Variants in INHBE observed in about 807,000 individuals in gnomAD.
The protein encoded by INHBE is inhibin beta E chain.
INHBE carries 19 observed loss-of-function variants against 27.8 expected under a neutral mutation model. The ratio of observed to expected loss-of-function variants is 0.68; its 90% confidence interval spans 0.48 to 1.00. The LOEUF is 1.00. Among genes scored for constraint, INHBE ranks in the 50% least tolerant of loss-of-function variants. The pLI, the probability that INHBE is intolerant of heterozygous loss-of-function variation, is 0.00. For synonymous variants in INHBE, 196 were observed against 187.2 expected, an observed-to-expected ratio of 1.05 and a Z score of -0.38; for missense variants, 398 against 433.9, an observed-to-expected ratio of 0.92 and a Z score of 0.73.
At chr12:57,455,971 C>G in intron 1 of INHBE, 123 bp from the exon 2 acceptor site, 2 of 1,388,472 alleles carry the variant, frequency 1.4e-6, no homozygotes, top group Non-Finnish European at 2.0e-6. Context: ...GCAGAGGACA[C>G]AAAGCAGTCT....
chr12:57,456,194 C>G lies in INHBE; in HGVS notation c.399C>G (p.Thr133=), dbSNP rs576228458. 6.2e-7 allele frequency: 1 copy of G among 1,613,978 alleles called. No homozygotes were observed. Among genetic ancestry groups the G allele is most frequent in the South Asian group, 1.1e-5 (1 of 91,078 alleles). ...HARLWLHVLP[T]LPGTLCLRIF... Reference sequence around the variant, plus strand: ...GCCTGTGGCTGCACGTGCTCCCCACCCTTCCTGGCACTCTTTGCTTGAGGA... The same window carrying G: ...GCCTGTGGCTGCACGTGCTCCCCACGCTTCCTGGCACTCTTTGCTTGAGGA... The change falls in exon 2 of 2, where the codon ACC becomes ACG. Residue 133 remains threonine, a synonymous_variant. Coordinates refer to ENST00000266646, the MANE Select transcript of INHBE (RefSeq NM_031479.5).
In INHBE at chr12:57,457,485, T is replaced by G. The variant is rs1036435464; in HGVS notation, c.*637T>G. On this transcript the variant is annotated 3_prime_UTR_variant, in exon 2 of 2. Transcript: ENST00000266646. Reference sequence around the variant, plus strand: ...TTATTTTTTTGAGATCGAGTCTCGCTCTGTCACCAGGCTGGAGTGCAGTGA... The same window carrying G: ...TTATTTTTTTGAGATCGAGTCTCGCGCTGTCACCAGGCTGGAGTGCAGTGA... The G allele has an allele frequency of 6.6e-6, 1 of 152,178 alleles. No individual in the cohort carries two copies. The highest frequency in any genetic ancestry group is 2.4e-5 in the African/African-American group (1 of 41,412). The allele number at this position is 152,178 out of a possible 1,614,324, so 9.4% of individuals were successfully genotyped here. A position where few individuals can be genotyped will look rare whatever the true frequency, so the allele number is the denominator to read the frequency against.
At position 57,455,479 on chromosome 12, in the gene INHBE, T is replaced by C; in HGVS notation, c.-58T>C. 2 of 1,530,698 alleles carry C rather than the reference T, an allele frequency of 1.3e-6. No individual in the cohort carries two copies. Among genetic ancestry groups the C allele is most frequent in the East Asian group, 2.3e-5 (1 of 44,212 alleles). 94.8% of individuals were successfully genotyped at this position (1,530,698 alleles called of 1,614,324 possible). On this transcript the variant is annotated 5_prime_UTR_variant, in exon 1 of 2. Coordinates refer to ENST00000266646, the MANE Select transcript of INHBE (RefSeq NM_031479.5). ...CCTCATTGGCCCCCAGCAATCAGAC[T>C]CAACAGACGGAGCAACTGCCATCCG...
Position 57,456,289 on chromosome 12 carries a change from A to G in INHBE, c.494A>G (p.Asn165Ser). The G allele has an allele frequency of 6.2e-7, 1 of 1,613,960 alleles. No individual in the cohort carries two copies. Among genetic ancestry groups the G allele is most frequent in the Non-Finnish European group, 8.5e-7 (1 of 1,180,000 alleles). ...RTLLAEHHITNLGWHTLTLPS... is the reference protein window; with the variant it reads ...RTLLAEHHITSLGWHTLTLPS... ...CTCCTGGCTGAGCACCACATCACCA[A>G]CCTGGGCTGGCATACCTTAACTCTG... The change falls in exon 2 of 2, where the codon AAC becomes AGC. Residue 165 changes from asparagine to serine, a missense_variant. Asn to Ser is a conservative substitution (Grantham distance 46, BLOSUM62 1). Coordinates refer to ENST00000266646, the MANE Select transcript of INHBE (RefSeq NM_031479.5).
rs1306557512 is a variant in INHBE, at chr12:57,455,478, C to T, written c.-59C>T. 6.5e-7 allele frequency: 1 copy of T among 1,528,378 alleles called. No individual in the cohort carries two copies. Among genetic ancestry groups the T allele is most frequent in the Non-Finnish European group, 8.8e-7 (1 of 1,130,542 alleles). 94.7% of individuals were successfully genotyped at this position (1,528,378 alleles called of 1,614,324 possible). A position where few individuals can be genotyped will look rare whatever the true frequency, so the allele number is the denominator to read the frequency against. ...CCCTCATTGGCCCCCAGCAATCAGACTCAACAGACGGAGCAACTGCCATCC... is the reference window on the plus strand; with the variant it reads ...CCCTCATTGGCCCCCAGCAATCAGATTCAACAGACGGAGCAACTGCCATCC... On this transcript the variant is annotated 5_prime_UTR_variant, in exon 1 of 2. Transcript: ENST00000266646.
chr12:57,456,424 A>C lies in INHBE; in HGVS notation c.629A>C (p.Asp210Ala), dbSNP rs1363598961. Residue 210 changes from aspartate to alanine, a missense_variant, in exon 2 of 2, where the codon GAC becomes GCC. Transcript: ENST00000266646. The part of the protein sequence containing the change: ...TVTGQPRRLL[D>A]TAGHQQPFLE... The stretch of plus-strand genomic sequence containing the variant: ...ACTGGACAACCGAGGCGGCTCTTGG[A>C]CACAGCAGGACACCAGCAGCCCTTC... The C allele has an allele frequency of 1.9e-6, 3 of 1,614,130 alleles. No homozygotes were observed. The Admixed American group carries it at 5.0e-5, about 27-fold the overall frequency.
In INHBE at chr12:57,456,885, A is replaced by G. The variant is rs1870850433; in HGVS notation, c.*37A>G. 6.3e-7 allele frequency: 1 copy of G among 1,579,526 alleles called. No homozygotes were observed. The highest frequency in any genetic ancestry group is 2.2e-5 in the East Asian group (1 of 44,454). ...GGGGCTTTGGAGTGAAGAGACCAAGATGAAGTTTCCCAGGCACAGGGCATC... is the reference window on the plus strand; with the variant it reads ...GGGGCTTTGGAGTGAAGAGACCAAGGTGAAGTTTCCCAGGCACAGGGCATC... On this transcript the variant is annotated 3_prime_UTR_variant, in exon 2 of 2. Coordinates refer to ENST00000266646, the MANE Select transcript of INHBE (RefSeq NM_031479.5).
chr12:57,455,967 G>A, intron 1 of INHBE, 127 bp from the exon 2 acceptor site: 1 of 1,377,708 alleles, frequency 7.3e-7, no homozygotes. Context: ...GGTTGCAGAG[G>A]ACACAAAGCA....
At position 57,456,153 on chromosome 12, in the gene INHBE, C is replaced by A; in HGVS notation, c.358C>A (p.His120Asn). The A allele has an allele frequency of 6.2e-7, 1 of 1,614,108 alleles. No individual in the cohort carries two copies. The highest frequency in any genetic ancestry group is 1.7e-5 in the Admixed American group (1 of 60,010). Reference sequence around the variant, plus strand: ...TCACCTGTCCACTCCTCGGTCCCACCACCTGTACCATGCCCGCCTGTGGCT... The same window carrying A: ...TCACCTGTCCACTCCTCGGTCCCACAACCTGTACCATGCCCGCCTGTGGCT... Reference protein sequence around the residue: ...TFHLSTPRSHHLYHARLWLHV... With the variant: ...TFHLSTPRSHNLYHARLWLHV... Residue 120 changes from histidine (H) to asparagine (N), a missense_variant, in exon 2 of 2, where the codon CAC (histidine) becomes AAC (asparagine). His to Asn is a moderately conservative substitution (Grantham distance 68, BLOSUM62 1). Coordinates refer to ENST00000266646, the MANE Select transcript of INHBE (RefSeq NM_031479.5).
Position 57,456,489 on chromosome 12 carries a change from C to G in INHBE, c.694C>G (p.Arg232Gly), listed in dbSNP as rs549735432. 8.1e-6 allele frequency: 13 copies of G among 1,614,078 alleles called. No homozygotes were observed. Among genetic ancestry groups the G allele is most frequent in the Middle Eastern group, 1.6e-4 (1 of 6,062 alleles). Residue 232 changes from arginine to glycine, a missense_variant, in exon 2 of 2, where the codon CGG becomes GGG. Transcript: ENST00000266646. ...KIRANEPGAG[R>G]ARRRTPTCEP... ...CCGAGCCAATGAGCCTGGAGCAGGC[C>G]GGGCCAGGAGGAGGACCCCCACCTG...
rs1440523566 is a variant in INHBE, at chr12:57,455,368, C to G, written c.-169C>G. 4.8e-6 allele frequency: 3 copies of G among 630,754 alleles called. No homozygotes were observed. The allele number at this position is 630,754 out of a possible 1,614,324, so 39.1% of individuals were successfully genotyped here. A position where few individuals can be genotyped will look rare whatever the true frequency, so the allele number is the denominator to read the frequency against. ...TATCCATCAGATGATCTACTTTCAG[C>G]CTTCCTGAGTCCCAGACAATAGAAG... On this transcript the variant is annotated 5_prime_UTR_variant, in exon 1 of 2. Transcript: ENST00000266646.
Position 57,455,428 on chromosome 12 carries a change from G to A in INHBE, c.-109G>A. 1.9e-6 allele frequency: 2 copies of A among 1,068,360 alleles called. No individual in the cohort carries two copies. The highest frequency in any genetic ancestry group is 4.8e-5 in the East Asian group (2 of 41,952). The allele number at this position is 1,068,360 out of a possible 1,614,324, so 66.2% of individuals were successfully genotyped here. On this transcript the variant is annotated 5_prime_UTR_variant, in exon 1 of 2. Coordinates refer to ENST00000266646, the MANE Select transcript of INHBE (RefSeq NM_031479.5). ...TGTACCCTTGGCCAAGGGTAGGTGT[G>A]GCAGTGGTGTCTGCTGTCACTGTGC...
In INHBE at chr12:57,456,417, C is replaced by T; in HGVS notation, c.622C>T (p.Leu208Phe). 1 of 1,614,132 alleles carries T rather than the reference C, an allele frequency of 6.2e-7. No individual in the cohort carries two copies. The highest frequency in any genetic ancestry group is 1.1e-5 in the South Asian group (1 of 91,070). Residue 208 changes from leucine to phenylalanine, a missense_variant, in exon 2 of 2, where the codon CTC (leucine) becomes TTC (phenylalanine). By Grantham distance (22) the Leu-to-Phe change is conservative (BLOSUM62 0). Transcript: ENST00000266646. ...CACAGTTACTGGACAACCGAGGCGG[C>T]TCTTGGACACAGCAGGACACCAGCA... ...NSTVTGQPRR[L>F]LDTAGHQQPF...
At chr12:57,455,911 G>A in intron 1 of INHBE, 77 bp downstream of exon 1, 1 of 1,465,178 alleles carries the variant, frequency 6.8e-7, no homozygotes, top group Non-Finnish European at 9.4e-7. Context: ...AGGAGCAGCA[G>A]AGGGAGTGGG....
Position 57,456,981 on chromosome 12 carries a change from AC to A in INHBE, c.*137del, listed in dbSNP as rs1870852851. 3 of 1,028,524 alleles carry A rather than the reference AC, an allele frequency of 2.9e-6. No homozygotes were observed. Among genetic ancestry groups the A allele is most frequent in the Non-Finnish European group, 2.8e-6 (2 of 715,022 alleles). The allele number at this position is 1,028,524 out of a possible 1,614,324, so 63.7% of individuals were successfully genotyped here. On this transcript the variant is annotated 3_prime_UTR_variant, in exon 2 of 2. Coordinates refer to ENST00000266646, the MANE Select transcript of INHBE (RefSeq NM_031479.5). ...ACCACCTGGCAATATGACTCACTTG[AC>A]CCCTATGGGACCCAAATGGGCACTT...
chr12:57,457,049 T>C lies in INHBE; in HGVS notation c.*201T>C. On this transcript the variant is annotated 3_prime_UTR_variant, in exon 2 of 2. Coordinates refer to ENST00000266646, the MANE Select transcript of INHBE (RefSeq NM_031479.5). ...GGCTTATTCCAGGTTGGCTGATGTG[T>C]TGGGAGATGGGTAAAGCGTTTCTTC... The C allele has an allele frequency of 1.7e-6, 1 of 603,320 alleles. No individual in the cohort carries two copies. Among genetic ancestry groups the C allele is most frequent in the East Asian group, 2.8e-5 (1 of 35,650 alleles). The allele number at this position is 603,320 out of a possible 1,614,324, so 37.4% of individuals were successfully genotyped here.
Position 57,456,247 on chromosome 12 carries a change from G to C in INHBE, c.452G>C (p.Arg151Pro). Reference protein sequence around the residue: ...RIFRWGPRRRRQGSRTLLAEH... With the variant: ...RIFRWGPRRRPQGSRTLLAEH... ...TTCCGATGGGGACCAAGGAGGAGGC[G>C]CCAAGGGTCCCGCACTCTCCTGGCT... The change falls in exon 2 of 2, where the codon CGC becomes CCC. Residue 151 changes from arginine to proline, a missense_variant. Coordinates refer to ENST00000266646, the MANE Select transcript of INHBE (RefSeq NM_031479.5). The C allele has an allele frequency of 1.2e-6, 2 of 1,614,054 alleles. No homozygotes were observed. Among genetic ancestry groups the C allele is most frequent in the Non-Finnish European group, 1.7e-6 (2 of 1,180,014 alleles).
rs775142337 is a variant in INHBE, at chr12:57,456,798, G to A, written c.1003G>A (p.Val335Ile). Residue 335 changes from valine to isoleucine, a missense_variant, in exon 2 of 2, where the codon GTC becomes ATC. Val to Ile is a conservative substitution (Grantham distance 29). Coordinates refer to ENST00000266646, the MANE Select transcript of INHBE (RefSeq NM_031479.5). Reference sequence around the variant, plus strand: ...CTACCTGGATCATAATGGCAATGTGGTCAAGACGGATGTGCCAGATATGGT... The same window carrying A: ...CTACCTGGATCATAATGGCAATGTGATCAAGACGGATGTGCCAGATATGGT... ...LLYLDHNGNV[V>I]KTDVPDMVVE... 1.2e-6 allele frequency: 2 copies of A among 1,614,156 alleles called. No individual in the cohort carries two copies. The highest frequency in any genetic ancestry group is 1.6e-4 in the Middle Eastern group (1 of 6,062).
rs777632949 is a variant in INHBE at position 57,456,130 on chromosome 12, A to G, written c.335A>G (p.His112Arg). 6.2e-6 allele frequency: 10 copies of G among 1,613,214 alleles called. No individual in the cohort carries two copies. In the South Asian group the frequency reaches 9.9e-5, roughly 16 times the overall value. The change falls in exon 2 of 2, where the codon CAC (histidine) becomes CGC (arginine). Residue 112 changes from histidine (H) to arginine (R), a missense_variant. Physicochemically the swap from His to Arg is conservative, Grantham distance 29 (BLOSUM62 0). Transcript: ENST00000266646. ...GCCTACAGCTCCCTGCTCACTTTTCACCTGTCCACTCCTCGGTCCCACCAC... is the reference window on the plus strand; with the variant it reads ...GCCTACAGCTCCCTGCTCACTTTTCGCCTGTCCACTCCTCGGTCCCACCAC... The part of the protein sequence containing the change: ...TSAYSSLLTF[H>R]LSTPRSHHLY...
Sources: allele counts gnomAD v4.1 joint callset, GRCh38; gene constraint gnomAD v4.1.1; transcripts MANE v1.5; gene names NCBI Gene and HGNC (gene_info 2026-07-23, HGNC 2026-07-21).